Variants in CRB1 observed in about 807,000 individuals in gnomAD.
CRB1 encodes protein crumbs homolog 1.
Under a neutral mutation model 120.0 loss-of-function variants are expected in CRB1, and 83 were observed. That is an observed-to-expected ratio of 0.69 (90% CI 0.58 to 0.83). The LOEUF (loss-of-function observed/expected upper bound fraction) is 0.83. Among genes scored for constraint, CRB1 ranks in the 40% least tolerant of loss-of-function variants. The pLI is 0.00. For synonymous variants in CRB1, 625 were observed against 612.5 expected (o/e 1.02, Z -0.30); for missense variants, 1,699 against 1,687.6 (o/e 1.01, Z -0.12).
At chr1:197,354,210 T>TA (rs1208787429) in intron 4 of CRB1, among the ~76,000 whole-genome samples, 3 of 152,226 alleles carry the variant, frequency 2.0e-5, no homozygotes, top group African/African-American at 7.2e-5. Context: ...GTGCAAATGG[T>TA]ACAACTAGAG....
intron 11 of CRB1, among the ~76,000 whole-genome samples, chr1:197,464,989 C>T (rs1666691685): frequency 6.6e-6 from 1 of 152,166 alleles, no homozygotes; most frequent in South Asian, 2.1e-4. Flanking sequence ...GAGTTCTTGT[C>T]ACTTCTGCTT....
intron 5 of CRB1, among the ~76,000 whole-genome samples, chr1:197,409,031 TC>T (rs1468982789): frequency 6.6e-6 from 1 of 152,202 alleles, no homozygotes; most frequent in Non-Finnish European, 1.5e-5. Context: ...CAGAATACTT[TC>T]CACACAATAG....
Position 197,374,094 on chromosome 1 carries a change from T to C in CRB1, c.1171+17081T>C, listed in dbSNP as rs183206105. ...GGAGTCTCCTTTGGTATGCAGTTTC[T>C]AGATTAGAAACATATAGTCCTTTGC... On this transcript the variant is annotated intron_variant, in intron 5 of 11. Coordinates refer to ENST00000367400, the MANE Select transcript of CRB1 (RefSeq NM_201253.3). Among the ~76,000 whole-genome samples, 12 of 152,270 alleles carry C rather than the reference T, an allele frequency of 7.9e-5. No individual in the cohort carries two copies. In the East Asian group the frequency reaches 2.3e-3, roughly 29 times the overall value.
At position 197,422,509 on chromosome 1, in the gene CRB1, C is replaced by T. The variant is rs1664387765; in HGVS notation, c.2128+553C>T. ...TCAAAGGTATCTTTTCCAAGGTTGC[C>T]CTGGAGAAGACAGATAATATACTAG... is the stretch of plus-strand genomic sequence containing the variant. On this transcript the variant is annotated intron_variant, in intron 6 of 11. Coordinates refer to ENST00000367400, the MANE Select transcript of CRB1 (RefSeq NM_201253.3). Among the ~76,000 whole-genome samples the T allele has an allele frequency of 2.7e-5, 4 of 149,292 alleles. No individual in the cohort carries two copies. In the South Asian group the frequency reaches 8.5e-4, roughly 32 times the overall value.
intron 4 of CRB1, among the ~76,000 whole-genome samples, chr1:197,353,838 C>A (rs1273269332): frequency 8.8e-5 from 11 of 124,450 alleles, no homozygotes; most frequent in East Asian, 8.2e-4. Flanking sequence ...AAAAAAAAAA[C>A]TTTATACATT....
At chr1:197,338,473 C>T (rs2125319424) in intron 2 of CRB1, among the ~76,000 whole-genome samples, 1 of 152,224 alleles carries the variant, frequency 6.6e-6, no homozygotes, top group South Asian at 2.1e-4. Context: ...TCCCAATGCC[C>T]CACTCCTAGG....
chr1:197,374,909 G>T (rs1661564700), intron 5 of CRB1, among the ~76,000 whole-genome samples: 1 of 152,092 alleles, frequency 6.6e-6, no homozygotes, highest in South Asian at 2.1e-4. Context: ...ACCTAGAGGA[G>T]AGCTAGAAAC....
chr1:197,330,508 T>C (rs1305308217), intron 2 of CRB1, among the ~76,000 whole-genome samples: 1 of 152,186 alleles, frequency 6.6e-6, no homozygotes, highest in African/African-American at 2.4e-5. Context: ...ACCGAAGCCT[T>C]CTATTTCCTC....
chr1:197,258,277 G>A, the CRB1 span, among the ~76,000 whole-genome samples: 1 of 151,684 alleles, frequency 6.6e-6, no homozygotes, highest in Non-Finnish European at 1.5e-5. Flanking sequence ...CAGTTTTTCT[G>A]GTTCCTTCCT....
At position 197,438,416 on chromosome 1, in the gene CRB1, G is replaced by A. The variant is rs909054566; in HGVS notation, c.3750-131G>A. ...TTCTTGCATAATGCAGCACAATTAA[G>A]CATTTGTAGCTCCTCCAGCCTGAGT... On this transcript the variant is annotated intron_variant, in intron 9 of 11. Transcript: ENST00000367400. The A allele has an allele frequency of 2.2e-5, 24 of 1,081,320 alleles. No individual in the cohort carries two copies. In the African/African-American group the frequency reaches 3.6e-4, roughly 16 times the overall value. The allele number at this position is 1,081,320 out of a possible 1,614,324, so 67.0% of individuals were successfully genotyped here. A position where few individuals can be genotyped will look rare whatever the true frequency, so the allele number is the denominator to read the frequency against.
At chr1:197,229,116 C>T in the CRB1 span, among the ~76,000 whole-genome samples, 41 of 152,096 alleles carry the variant, frequency 2.7e-4, no homozygotes, top group African/African-American at 9.2e-4. Context: ...GAGAACCTGA[C>T]GATGCTGACA....
At chr1:197,243,693 T>C in the CRB1 span, among the ~76,000 whole-genome samples, 1 of 152,206 alleles carries the variant, frequency 6.6e-6, no homozygotes, top group Non-Finnish European at 1.5e-5. Context: ...TTAGGTTTGC[T>C]TGGTGTGGAA....
At chr1:197,281,251 G>A (rs147710723) in intron 1 of CRB1, among the ~76,000 whole-genome samples, 118 of 151,990 alleles carry the variant, frequency 7.8e-4, no homozygotes, top group African/African-American at 2.8e-3. Flanking sequence ...AGCGATGTGA[G>A]ATGAGGGTGT....
the CRB1 span, chr1:197,222,392 A>G: frequency 1.1e-4 from 83 of 765,822 alleles, no homozygotes; most frequent in Non-Finnish European, 1.9e-4. Flanking sequence ...TTTCTTGGCC[A>G]GGACTTGCAG....
chr1:197,255,391 G>T, the CRB1 span, among the ~76,000 whole-genome samples: 1 of 151,986 alleles, frequency 6.6e-6, no homozygotes, highest in African/African-American at 2.4e-5. Context: ...TCTGTTCTAT[G>T]CTGCACTGGG....
intron 6 of CRB1, among the ~76,000 whole-genome samples, chr1:197,425,512 A>C (rs1264489719): frequency 6.6e-6 from 1 of 152,204 alleles, no homozygotes; most frequent in African/African-American, 2.4e-5. Context: ...TTTTCTGGTT[A>C]GTACTGGGAT....
chr1:197,338,972 A>G (rs1461165382), intron 2 of CRB1, among the ~76,000 whole-genome samples: 4 of 152,300 alleles, frequency 2.6e-5, no homozygotes, highest in South Asian at 4.2e-4. Flanking sequence ...GTGAGGGAGT[A>G]AAAAAGGAGT....
At chr1:197,438,931 T>G in intron 10 of CRB1, 1 of 382,632 alleles carries the variant, frequency 2.6e-6, no homozygotes. Flanking sequence ...CTATTTTTCT[T>G]TCTTATAAGT....
chr1:197,221,507 T>C, the CRB1 span, among the ~76,000 whole-genome samples: 1 of 152,182 alleles, frequency 6.6e-6, no homozygotes, highest in African/African-American at 2.4e-5. Flanking sequence ...TTCTGAAAAA[T>C]AATTTTACTA....
Sources: gnomAD v4.1 joint callset for allele counts (sites outside exome capture counted in the v4.1 genomes callset) on GRCh38, gnomAD v4.1.1 for gene constraint, MANE v1.5 for transcripts, NCBI Gene and HGNC (gene_info 2026-07-23, HGNC 2026-07-21) for gene names.